The following MLLT3 variants were observed in gnomAD, a reference collection of about 807,000 sequenced individuals.
MLLT3 encodes MLLT3 super elongation complex subunit, also known as protein AF-9.
Under a neutral mutation model 53.2 loss-of-function variants are expected in MLLT3, and 4 were observed. The ratio of observed to expected loss-of-function variants is 0.08; its 90% CI spans 0.04 to 0.17. MLLT3 has a LOEUF of 0.17. MLLT3 is among the 10% of genes least tolerant of loss of function. MLLT3 has a pLI of 1.00. For synonymous variants in MLLT3, 283 were observed against 230.6 expected (o/e 1.23, Z -2.06); for missense variants, 569 against 684.0 (o/e 0.83, Z 1.87).
chr9:20,542,565 T>A (rs1467641267), intron 2 of MLLT3, among the ~76,000 whole-genome samples: 1 of 152,166 alleles, frequency 6.6e-6, no homozygotes, highest in African/African-American at 2.4e-5. Flanking sequence ...AAGGAGTCTT[T>A]TTTTTCTGAG....
At chr9:20,399,716 G>A (rs1822407868) in intron 5 of MLLT3, among the ~76,000 whole-genome samples, 1 of 152,102 alleles carries the variant, frequency 6.6e-6, no homozygotes, top group Admixed American at 6.6e-5. Flanking sequence ...AAGAAAGAAA[G>A]ATAAGGATGA....
intron 2 of MLLT3, among the ~76,000 whole-genome samples, chr9:20,582,441 G>A (rs529759251): frequency 6.6e-6 from 1 of 152,084 alleles, no homozygotes; most frequent in South Asian, 2.1e-4. Context: ...ACTTTTTATT[G>A]TTTTCATAGT....
intron 4 of MLLT3, among the ~76,000 whole-genome samples, chr9:20,427,923 A>G (rs868756832): frequency 1.1e-4 from 16 of 152,252 alleles, no homozygotes; most frequent in South Asian, 4.1e-4. Flanking sequence ...AGCACTTTCT[A>G]ATTAGTTTAC....
At chr9:20,580,092 CCA>C (rs1819753816) in intron 2 of MLLT3, among the ~76,000 whole-genome samples, 1 of 152,148 alleles carries the variant, frequency 6.6e-6, no homozygotes, top group African/African-American at 2.4e-5. Flanking sequence ...GGCTCAGCTA[CCA>C]CAGTCTCACA....
chr9:20,451,355 A>G (rs887414245), intron 3 of MLLT3, among the ~76,000 whole-genome samples: 9 of 152,200 alleles, frequency 5.9e-5, no homozygotes, highest in Non-Finnish European at 1.3e-4. Context: ...CTTAAAGAGA[A>G]AAACATATTG....
chr9:20,573,454 A>C (rs537914294), intron 2 of MLLT3, among the ~76,000 whole-genome samples: 2 of 152,220 alleles, frequency 1.3e-5, no homozygotes, highest in African/African-American at 4.8e-5. Flanking sequence ...TGCTGGGATT[A>C]CAGGCATGAA....
At chr9:20,582,415 C>T (rs186542517) in intron 2 of MLLT3, among the ~76,000 whole-genome samples, 3 of 152,292 alleles carry the variant, frequency 2.0e-5, no homozygotes, top group Admixed American at 1.3e-4. Flanking sequence ...CCCACCAAAC[C>T]CCCAGCAACC....
intron 2 of MLLT3, among the ~76,000 whole-genome samples, chr9:20,538,104 G>A (rs1818532248): frequency 6.6e-6 from 1 of 152,106 alleles, no homozygotes; most frequent in Non-Finnish European, 1.5e-5. Flanking sequence ...TGCCCCATGT[G>A]TTCATTATTG....
chr9:20,524,962 G>A (rs1323817106), intron 2 of MLLT3, among the ~76,000 whole-genome samples: 11 of 152,030 alleles, frequency 7.2e-5, no homozygotes, highest in African/African-American at 2.7e-4. Flanking sequence ...TACAGAGGGC[G>A]CTACAACATC....
rs1032305409 is a variant in MLLT3, at chr9:20,415,463, G to T, written c.421-1038C>A. On this transcript the variant is annotated intron_variant, in intron 4 of 10. Coordinates refer to ENST00000380338, the MANE Select transcript of MLLT3 (RefSeq NM_004529.4). The stretch of plus-strand genomic sequence containing the variant: ...TATTTGTGAACCTCTACCATTAATA[G>T]TAAGAATAAGAAACAGAGAAGATCC... 14 of 969,150 alleles carry T rather than the reference G, an allele frequency of 1.4e-5. No individual in the cohort carries two copies. In the African/African-American group the frequency reaches 1.9e-4, roughly 13 times the overall value. The allele number at this position is 969,150 out of a possible 1,614,324, so 60.0% of individuals were successfully genotyped here. A position where few individuals can be genotyped will look rare whatever the true frequency, so the allele number is the denominator to read the frequency against.
At chr9:20,354,986 C>G (rs1281275451) in intron 8 of MLLT3, 107 bp from the exon 9 acceptor site, 1 of 620,826 alleles carries the variant, frequency 1.6e-6, no homozygotes, top group African/African-American at 1.9e-5. Context: ...GTAACATTTG[C>G]TTTCCAAATA....
At chr9:20,497,286 T>A (rs551335580) in intron 2 of MLLT3, among the ~76,000 whole-genome samples, 1 of 152,218 alleles carries the variant, frequency 6.6e-6, no homozygotes, top group African/African-American at 2.4e-5. Flanking sequence ...CTATCTTTAT[T>A]AACCACAATT....
chr9:20,589,366 T>C (rs1563832894), intron 2 of MLLT3, among the ~76,000 whole-genome samples: 1 of 142,406 alleles, frequency 7.0e-6, no homozygotes, highest in South Asian at 2.2e-4. Context: ...TTCTCACTCA[T>C]AGGTGGGAAT....
intron 2 of MLLT3, among the ~76,000 whole-genome samples, chr9:20,467,163 T>C (rs1412150027): frequency 1.3e-5 from 2 of 152,022 alleles, no homozygotes; most frequent in Admixed American, 6.5e-5. Flanking sequence ...TTTTTTTCAA[T>C]TGAGACAAGC....
chr9:20,362,075 T>C (rs1281704089), intron 7 of MLLT3, among the ~76,000 whole-genome samples: 1 of 152,218 alleles, frequency 6.6e-6, no homozygotes, highest in Admixed American at 6.5e-5. Context: ...GAAGGCTAAG[T>C]ATTTAAACTG....
At chr9:20,619,927 T>C (rs937858747) in intron 2 of MLLT3, among the ~76,000 whole-genome samples, 1 of 152,102 alleles carries the variant, frequency 6.6e-6, no homozygotes, top group African/African-American at 2.4e-5. Flanking sequence ...AGCTTCGACC[T>C]TTGCAAGAAC....
intron 5 of MLLT3, among the ~76,000 whole-genome samples, chr9:20,402,306 GGAGCTT>G (rs1822474511): frequency 6.6e-6 from 1 of 152,066 alleles, no homozygotes; most frequent in Non-Finnish European, 1.5e-5. Flanking sequence ...GAGGAATAAG[GGAGCTT>G]TTGAGATGTC....
intron 2 of MLLT3, among the ~76,000 whole-genome samples, chr9:20,604,805 C>G (rs1172045886): frequency 1.3e-5 from 2 of 152,024 alleles, no homozygotes; most frequent in East Asian, 3.8e-4. Context: ...GAATGGATAA[C>G]GAAAACAAAA....
chr9:20,452,521 TAAC>T (rs1823864910), intron 3 of MLLT3, among the ~76,000 whole-genome samples: 1 of 152,228 alleles, frequency 6.6e-6, no homozygotes, highest in African/African-American at 2.4e-5. Context: ...CGGGTATTAA[TAAC>T]AATGTGAGAA....
Sources: allele counts gnomAD v4.1 joint callset (sites outside exome capture counted in the v4.1 genomes callset), GRCh38; gene constraint gnomAD v4.1.1; transcripts MANE v1.5; gene names NCBI Gene and HGNC (gene_info 2026-07-23, HGNC 2026-07-21).